The following CFAP299 variants were observed in gnomAD, a reference collection of about 807,000 sequenced individuals.
CFAP299 encodes the protein cilia and flagella associated protein 299, also known as cilia- and flagella-associated protein 299.
Under a neutral mutation model 27.0 loss-of-function variants are expected in CFAP299, and 21 were observed. The observed-to-expected ratio is 0.78, with a 90% CI of 0.55 to 1.12. The LOEUF (loss-of-function observed/expected upper bound fraction) is 1.12. CFAP299 is among the 50% of genes most tolerant of loss of function. CFAP299 has a pLI of 0.00. For missense variants in CFAP299, 310 were observed against 276.6 expected, an observed-to-expected ratio of 1.12 and a Z score of -0.86; for synonymous variants, 104 against 98.1, an observed-to-expected ratio of 1.06 and a Z score of -0.36.
chr4:80,846,527 G>C (rs1280913987), intron 3 of CFAP299, among the ~76,000 whole-genome samples: 2 of 152,130 alleles, frequency 1.3e-5, no homozygotes, highest in African/African-American at 4.8e-5. Context: ...TTCATAATTT[G>C]ATAGAGAAAA....
intron 2 of CFAP299, among the ~76,000 whole-genome samples, chr4:80,429,393 C>G (rs1328857091): frequency 6.6e-6 from 1 of 152,060 alleles, no homozygotes; most frequent in Non-Finnish European, 1.5e-5. Flanking sequence ...TCTTATGTAT[C>G]TTAGTATAAA....
rs533219070 is a variant in CFAP299, at chr4:80,524,782, G to C, written c.243-58311G>C. ...GATATGTAACAAGTCACCAAATTTA[G>C]CATCTTAAAATAACTCTCATCTATT... On this transcript the variant is annotated intron_variant, in intron 2 of 5. Coordinates refer to ENST00000358105, the MANE Select transcript of CFAP299 (RefSeq NM_152770.3). Among the ~76,000 whole-genome samples, 9 of 152,206 alleles carry C rather than the reference G, an allele frequency of 5.9e-5. No individual in the cohort carries two copies. The South Asian group carries it at 1.9e-3, about 32-fold the overall frequency.
At chr4:80,681,450 A>G (rs1308968431) in intron 3 of CFAP299, among the ~76,000 whole-genome samples, 1 of 152,150 alleles carries the variant, frequency 6.6e-6, no homozygotes, top group African/African-American at 2.4e-5. Flanking sequence ...TGAGAAATCA[A>G]TGAAGAAAAG....
At chr4:80,686,226 A>C (rs1307224278) in intron 3 of CFAP299, among the ~76,000 whole-genome samples, 10 of 152,194 alleles carry the variant, frequency 6.6e-5, no homozygotes, top group Admixed American at 6.5e-4. Context: ...CCTTCTACTC[A>C]TGAGTGGCAA....
At chr4:80,732,048 T>A (rs1159949273) in intron 3 of CFAP299, among the ~76,000 whole-genome samples, 1 of 149,392 alleles carries the variant, frequency 6.7e-6, no homozygotes, top group African/African-American at 2.5e-5. Flanking sequence ...CCTGCATTCA[T>A]ACACAGACAC....
intron 1 of CFAP299, among the ~76,000 whole-genome samples, chr4:80,348,427 A>C (rs1205219037): frequency 6.6e-6 from 1 of 152,232 alleles, no homozygotes; most frequent in Non-Finnish European, 1.5e-5. Context: ...CAAGAAACTT[A>C]AACAAATTTA....
chr4:80,728,241 T>A (rs1723272551), intron 3 of CFAP299, among the ~76,000 whole-genome samples: 1 of 152,096 alleles, frequency 6.6e-6, no homozygotes. Flanking sequence ...TATTCTTTTT[T>A]AAAAAATAAT....
chr4:80,691,817 C>A (rs1047675507), intron 3 of CFAP299, among the ~76,000 whole-genome samples: 1 of 152,202 alleles, frequency 6.6e-6, no homozygotes, highest in African/African-American at 2.4e-5. Flanking sequence ...CCCAAAATCT[C>A]TTTAAGCTGA....
chr4:80,897,447 A>G, intron 4 of CFAP299, among the ~76,000 whole-genome samples: 1 of 152,204 alleles, frequency 6.6e-6, no homozygotes, highest in Non-Finnish European at 1.5e-5. Flanking sequence ...CAGACAACAG[A>G]GTCTGTTGAA....
intron 2 of CFAP299, chr4:80,388,236 C>T (rs1725127234): frequency 2.9e-6 from 2 of 695,508 alleles, no homozygotes; most frequent in Non-Finnish European, 2.7e-6. Flanking sequence ...CTGCTCTGCA[C>T]AGGTCGCGGG....
intron 2 of CFAP299, among the ~76,000 whole-genome samples, chr4:80,581,795 C>G (rs2109870338): frequency 6.6e-6 from 1 of 151,826 alleles, no homozygotes; most frequent in African/African-American, 2.4e-5. Context: ...CTACAGGCTA[C>G]CTTTTTCAAA....
At chr4:80,572,100 A>T (rs1008026919) in intron 2 of CFAP299, among the ~76,000 whole-genome samples, 3 of 152,128 alleles carry the variant, frequency 2.0e-5, no homozygotes, top group Non-Finnish European at 2.9e-5. Context: ...AGTACATGAG[A>T]TATTTTGATA....
Position 80,408,757 on chromosome 4 carries a change from G to A in CFAP299, c.242+45873G>A, listed in dbSNP as rs1457132742. Among the ~76,000 whole-genome samples the A allele has an allele frequency of 3.3e-5, 5 of 151,886 alleles. No homozygotes were observed. In the East Asian group the frequency reaches 9.6e-4, roughly 29 times the overall value. On this transcript the variant is annotated intron_variant, in intron 2 of 5. Coordinates refer to ENST00000358105, the MANE Select transcript of CFAP299 (RefSeq NM_152770.3). ...GGTGGACACCGAGAAGGGCTCTGGT[G>A]TAAATGGGAGAAATGGGCAAGAAAA...
intron 2 of CFAP299, among the ~76,000 whole-genome samples, chr4:80,514,983 G>A (rs982463085): frequency 1.3e-5 from 2 of 151,724 alleles, no homozygotes; most frequent in African/African-American, 4.8e-5. Flanking sequence ...CACCCAGAAC[G>A]GTGTCTATTC....
At chr4:80,871,784 C>A in intron 4 of CFAP299, 3 of 317,344 alleles carry the variant, frequency 9.5e-6, no homozygotes, top group Non-Finnish European at 1.4e-5. Flanking sequence ...AACATCTTGG[C>A]ATTATCATAC....
intron 2 of CFAP299, among the ~76,000 whole-genome samples, chr4:80,547,840 C>G (rs936018430): frequency 7.2e-5 from 11 of 152,092 alleles, no homozygotes; most frequent in Non-Finnish European, 2.9e-5. Context: ...CCATTTCACA[C>G]CAGTCAGAAT....
chr4:80,921,577 A>C (rs532725296), intron 4 of CFAP299, among the ~76,000 whole-genome samples: 206 of 152,200 alleles, frequency 1.4e-3, no homozygotes, highest in Non-Finnish European at 2.5e-3. Flanking sequence ...TCTGAGTAGG[A>C]GCAGTAAGAC....
At position 80,886,392 on chromosome 4, in the gene CFAP299, C is replaced by A. The variant is rs187084271; in HGVS notation, c.476+16257C>A. Among the ~76,000 whole-genome samples, 37 of 152,294 alleles carry A rather than the reference C, an allele frequency of 2.4e-4. No homozygotes were observed. In the East Asian group the frequency reaches 7.0e-3, roughly 29 times the overall value. On this transcript the variant is annotated intron_variant, in intron 4 of 5. Coordinates refer to ENST00000358105, the MANE Select transcript of CFAP299 (RefSeq NM_152770.3). ...ACAGAGGTGCTTGCATCACCACACC[C>A]ACAGTTCCACATAGTGCGACACAGA...
chr4:80,368,768 A>G (rs779714235), intron 2 of CFAP299, among the ~76,000 whole-genome samples: 16 of 152,214 alleles, frequency 1.1e-4, no homozygotes, highest in Non-Finnish European at 1.6e-4. Flanking sequence ...ATTAAATGAG[A>G]AAATTTATGT....
Sources: allele counts gnomAD v4.1 joint callset (sites outside exome capture counted in the v4.1 genomes callset), GRCh38; gene constraint gnomAD v4.1.1; transcripts MANE v1.5; gene names NCBI Gene and HGNC (gene_info 2026-07-23, HGNC 2026-07-21).